The following CLK4 variants were observed in gnomAD, a reference collection of about 807,000 sequenced individuals.
CLK4 encodes CDC like kinase 4, also known as dual specificity protein kinase CLK4.
CLK4 carries 37 observed loss-of-function variants against 64.4 expected under a neutral mutation model. The ratio of observed to expected loss-of-function variants is 0.57; its 90% CI spans 0.44 to 0.76. CLK4 has a LOEUF of 0.76. Among genes scored for constraint, CLK4 ranks in the 30% least tolerant of loss-of-function variants. The pLI, the probability that CLK4 is intolerant of heterozygous loss-of-function variation, is 0.00. For missense variants in CLK4, 457 were observed against 605.1 expected, an observed-to-expected ratio of 0.76 and a Z score of 2.57; for synonymous variants, 175 against 191.6, an observed-to-expected ratio of 0.91 and a Z score of 0.72.
chr5:178,612,613 A>G, intron 8 of CLK4, 68 bp from the exon 9 acceptor site: 1 of 1,484,350 alleles, frequency 6.7e-7, no homozygotes, highest in South Asian at 1.2e-5. Context: ...TCAAAAGGCC[A>G]GCACATGAAT....
Position 178,605,339 on chromosome 5 carries a change from A to G in CLK4, c.1178T>C (p.Leu393Ser), listed in dbSNP as rs1190501082. 4 of 1,595,946 alleles carry G rather than the reference A, an allele frequency of 2.5e-6. No individual in the cohort carries two copies. Among genetic ancestry groups the G allele is most frequent in the Non-Finnish European group, 8.5e-7 (1 of 1,174,312 alleles). ...KEHLAMMERI[L>S]GPIPQHMIQK... ...AATCATGTGTTGTGGTATGGGTCCTAATATTCGTTCCATCATTGCCAGGTG... is the reference window on the plus strand; with the variant it reads ...AATCATGTGTTGTGGTATGGGTCCTGATATTCGTTCCATCATTGCCAGGTG... Residue 393 changes from leucine to serine, a missense_variant, in exon 11 of 13, where the codon TTA (leucine) becomes TCA (serine). By Grantham distance (145) the Leu-to-Ser change is moderately radical. Coordinates refer to ENST00000316308, the MANE Select transcript of CLK4 (RefSeq NM_020666.3).
rs903185413 is a variant in CLK4, at chr5:178,613,375, C to T, written c.826+98G>A. 1.9e-5 allele frequency: 15 copies of T among 803,974 alleles called. No individual in the cohort carries two copies. The South Asian group carries it at 3.6e-4, about 19-fold the overall frequency. 49.8% of individuals were successfully genotyped at this position (803,974 alleles called of 1,614,324 possible). On this transcript the variant is annotated intron_variant, in intron 7 of 12. Transcript: ENST00000316308. ...GGCTGAGCTTGCTGGGACCCGAGAGCGCCACTGCACTCCAGCCTGGGTGAC... is the reference window on the plus strand; with the variant it reads ...GGCTGAGCTTGCTGGGACCCGAGAGTGCCACTGCACTCCAGCCTGGGTGAC...
chr5:178,620,678 G>T, intron 2 of CLK4: 1 of 404,654 alleles, frequency 2.5e-6, no homozygotes, highest in Non-Finnish European at 4.9e-6. Context: ...CAGGTCCTGT[G>T]GGAGATAAAA....
In CLK4 at chr5:178,618,690, A is replaced by G; in HGVS notation, c.250T>C (p.Tyr84His). 1.2e-6 allele frequency: 2 copies of G among 1,613,986 alleles called. No homozygotes were observed. Among genetic ancestry groups the G allele is most frequent in the Non-Finnish European group, 1.7e-6 (2 of 1,179,908 alleles). ...TCTCTGTGATAATGTCTAGGAACAT[A>G]TCCTTCACAGTAGTCATTCCTGTAT... is the stretch of plus-strand genomic sequence containing the variant. Reference protein sequence around the residue: ...DEYRNDYCEGYVPRHYHRDIE... With the variant: ...DEYRNDYCEGHVPRHYHRDIE... The change falls in exon 3 of 13, where the codon TAT becomes CAT. Residue 84 changes from tyrosine to histidine, a missense_variant. Physicochemically the swap from Tyr to His is moderately conservative, Grantham distance 83. Transcript: ENST00000316308.
intron 1 of CLK4, among the ~76,000 whole-genome samples, 155 bp from the exon 2 acceptor site, chr5:178,623,571 T>G (rs1286410194): frequency 6.6e-6 from 1 of 152,096 alleles, no homozygotes; most frequent in East Asian, 1.9e-4. Flanking sequence ...AAGGCACTGG[T>G]ATGTCAGATG....
At chr5:178,615,600 G>A (rs377428989) in intron 5 of CLK4, among the ~76,000 whole-genome samples, 6 of 152,174 alleles carry the variant, frequency 3.9e-5, no homozygotes, top group East Asian at 3.8e-4. Flanking sequence ...TTTGTTTATG[G>A]ATGATGGTAG....
chr5:178,606,609 G>A (rs1179599673), intron 10 of CLK4, among the ~76,000 whole-genome samples: 1 of 151,998 alleles, frequency 6.6e-6, no homozygotes, highest in Non-Finnish European at 1.5e-5. Context: ...ACAACACCTC[G>A]ATCATACCAT....
intron 5 of CLK4, among the ~76,000 whole-genome samples, chr5:178,615,832 C>T (rs895988854): frequency 2.6e-5 from 4 of 152,088 alleles, no homozygotes; most frequent in Admixed American, 2.0e-4. Flanking sequence ...TAGAGGAAAA[C>T]GGTAAAATGA....
At position 178,613,496 on chromosome 5, in the gene CLK4, T is replaced by C. The variant is rs941272527; in HGVS notation, c.803A>G (p.Tyr268Cys). The C allele has an allele frequency of 8.2e-6, 13 of 1,585,200 alleles. No individual in the cohort carries two copies. The highest frequency in any genetic ancestry group is 1.1e-5 in the Non-Finnish European group (13 of 1,169,278). ...ACAATTTATTGACTGGCAGATCTGA[T>C]ACGCCATCTGCCTGATGTGGTCAAT... ...FQIDHIRQMA[Y>C]QICQSINFLH... Residue 268 changes from tyrosine (Y) to cysteine (C), a missense_variant, in exon 7 of 13, where the codon TAT becomes TGT. By Grantham distance (194) the Tyr-to-Cys change is radical. Coordinates refer to ENST00000316308, the MANE Select transcript of CLK4 (RefSeq NM_020666.3).
Position 178,612,488 on chromosome 5 carries a change from C to T in CLK4, c.979G>A (p.Ala327Thr). ...TDIKVVDFGS[A>T]TYDDEHHSTL... ...CTGTGATGTTCATCATCATACGTTG[C>T]ACTTCCAAAGTCAACAACTTTGATA... Residue 327 changes from alanine (A) to threonine (T), a missense_variant, in exon 9 of 13, where the codon GCA (alanine) becomes ACA (threonine). Ala to Thr is a moderately conservative substitution (Grantham distance 58). Coordinates refer to ENST00000316308, the MANE Select transcript of CLK4 (RefSeq NM_020666.3). The T allele has an allele frequency of 6.2e-7, 1 of 1,613,970 alleles. No homozygotes were observed. Among genetic ancestry groups the T allele is most frequent in the African/African-American group, 1.3e-5 (1 of 75,042 alleles).
At position 178,612,877 on chromosome 5, in the gene CLK4, A is replaced by G. The variant is rs764650590; in HGVS notation, c.840T>C (p.Asn280=). The G allele has an allele frequency of 2.6e-6, 4 of 1,529,704 alleles. No homozygotes were observed. The highest frequency in any genetic ancestry group is 3.6e-6 in the Non-Finnish European group (4 of 1,110,042). 94.8% of individuals were successfully genotyped at this position (1,529,704 alleles called of 1,614,324 possible). The change falls in exon 8 of 13, where the codon AAT becomes AAC. Residue 280 remains asparagine (N), a synonymous_variant. Coordinates refer to ENST00000316308, the MANE Select transcript of CLK4 (RefSeq NM_020666.3). ...GCTTCAGATCTGTATGGGTTAATTT[A>G]TTATGATGTAAAACTACAAGAGAAC... ...ICQSINFLHH[N]KLTHTDLKPE...
chr5:178,612,784 T>A lies in CLK4; in HGVS notation c.921+12A>T, dbSNP rs769324789. ...AGACAACCACCCAAATTAAAACAAG[T>A]CTTTAACTTACCATTTTAGAATTAT... On this transcript the variant is annotated intron_variant, in intron 8 of 12. Transcript: ENST00000316308. 6.4e-6 allele frequency: 9 copies of A among 1,402,936 alleles called. No individual in the cohort carries two copies. Among genetic ancestry groups the A allele is most frequent in the Non-Finnish European group, 9.0e-6 (9 of 1,003,814 alleles). The allele number at this position is 1,402,936 out of a possible 1,614,324, so 86.9% of individuals were successfully genotyped here.
chr5:178,617,225 AC>A lies in CLK4; in HGVS notation c.475+118del, dbSNP rs1272476892. 1.4e-5 allele frequency: 11 copies of A among 760,978 alleles called. No individual in the cohort carries two copies. The highest frequency in any genetic ancestry group is 2.2e-5 in the Non-Finnish European group (10 of 454,062). 47.1% of individuals were successfully genotyped at this position (760,978 alleles called of 1,614,324 possible). Reference sequence around the variant, plus strand: ...AGAAGAAATATAAAAGAACAAACAAACCCACAAAAAGCAAAATAAAAAAGCA... The same window carrying A: ...AGAAGAAATATAAAAGAACAAACAAACCACAAAAAGCAAAATAAAAAAGCA... On this transcript the variant is annotated intron_variant, in intron 4 of 12. Transcript: ENST00000316308. The surrounding 1 kb of genome is among the most constrained non-coding windows in gnomAD (Gnocchi z 5.2).
At chr5:178,623,880 CAT>C (rs1764744410) in intron 1 of CLK4, among the ~76,000 whole-genome samples, 1 of 152,140 alleles carries the variant, frequency 6.6e-6, no homozygotes. Flanking sequence ...AAGTTATTGA[CAT>C]ATTTTCTTTT....
At position 178,612,881 on chromosome 5, in the gene CLK4, T is replaced by G; in HGVS notation, c.836A>C (p.His279Pro). Residue 279 changes from histidine to proline, a missense_variant, in exon 8 of 13, where the codon CAT becomes CCT. Transcript: ENST00000316308. Reference sequence around the variant, plus strand: ...CAGATCTGTATGGGTTAATTTATTATGATGTAAAACTACAAGAGAACAAAA... The same window carrying G: ...CAGATCTGTATGGGTTAATTTATTAGGATGTAAAACTACAAGAGAACAAAA... ...QICQSINFLH[H>P]NKLTHTDLKP... The G allele has an allele frequency of 6.6e-7, 1 of 1,524,904 alleles. No individual in the cohort carries two copies. The highest frequency in any genetic ancestry group is 9.0e-7 in the Non-Finnish European group (1 of 1,106,032). The allele number at this position is 1,524,904 out of a possible 1,614,324, so 94.5% of individuals were successfully genotyped here.
intron 1 of CLK4, 33 bp from the exon 2 acceptor site, chr5:178,623,449 G>C (rs1441760351): frequency 6.4e-7 from 1 of 1,559,856 alleles, no homozygotes; most frequent in African/African-American, 1.4e-5. Context: ...AATTGTGGAG[G>C]TTACAGATGT....
At chr5:178,610,134 C>CA (rs1764535803) in intron 9 of CLK4, among the ~76,000 whole-genome samples, 1 of 148,568 alleles carries the variant, frequency 6.7e-6, no homozygotes, top group African/African-American at 2.5e-5. Context: ...ACTAAAAATA[C>CA]AAAAAATTAG....
chr5:178,620,993 A>G (rs972592034), intron 2 of CLK4, among the ~76,000 whole-genome samples: 4 of 152,218 alleles, frequency 2.6e-5, no homozygotes, highest in Non-Finnish European at 5.9e-5. Context: ...TTTAGCCACA[A>G]TGGCTTAGAG....
chr5:178,616,233 G>A (rs1051102848), intron 5 of CLK4, among the ~76,000 whole-genome samples: 1 of 151,978 alleles, frequency 6.6e-6, no homozygotes, highest in African/African-American at 2.4e-5. Context: ...CAAGCAACTG[G>A]GATTACAGGC....
Sources: gnomAD v4.1 joint callset for allele counts (sites outside exome capture counted in the v4.1 genomes callset) on GRCh38, gnomAD v4.1.1 for gene constraint, Gnocchi (gnomAD v3.1) non-coding constraint, MANE v1.5 for transcripts, NCBI Gene and HGNC (gene_info 2026-07-23, HGNC 2026-07-21) for gene names.